Variants in GALNT13 observed in about 807,000 individuals in gnomAD.
GALNT13 encodes UDP-GalNAc:polypeptide N-acetylgalactosaminyltransferase 13.
A neutral mutation model predicts 64.2 loss-of-function variants in GALNT13; 28 were observed. That is an observed-to-expected ratio of 0.44 (90% CI 0.32 to 0.60). GALNT13 has a LOEUF of 0.60. Among genes scored for constraint, GALNT13 ranks in the 20% least tolerant of loss-of-function variants. GALNT13 has a pLI of 0.05. For synonymous variants in GALNT13, 214 were observed against 224.6 expected (o/e 0.95, Z 0.42); for missense variants, 577 against 669.8 (o/e 0.86, Z 1.53).
intron 8 of GALNT13, among the ~76,000 whole-genome samples, chr2:154,284,858 G>A (rs1559067545): frequency 2.0e-5 from 3 of 152,040 alleles, no homozygotes; most frequent in Admixed American, 1.3e-4. Context: ...TGGAGAGTGA[G>A]GATTCGGAGA....
chr2:153,685,951 A>G, the GALNT13 span, among the ~76,000 whole-genome samples: 1 of 151,906 alleles, frequency 6.6e-6, no homozygotes. Flanking sequence ...TCAGACAGTT[A>G]GAAGTGTGCG....
At chr2:154,021,071 C>A (rs190666297) in intron 3 of GALNT13, among the ~76,000 whole-genome samples, 1 of 152,040 alleles carries the variant, frequency 6.6e-6, no homozygotes. Flanking sequence ...TCTCTGTTTT[C>A]GTACCAGTAC....
At chr2:153,886,596 A>T (rs903643448) in intron 1 of GALNT13, among the ~76,000 whole-genome samples, 10 of 152,040 alleles carry the variant, frequency 6.6e-5, no homozygotes, top group Admixed American at 2.0e-4. Context: ...ATGAGAACAC[A>T]TGGACAAAGG....
chr2:154,342,825 CGT>C (rs59607214), intron 9 of GALNT13, among the ~76,000 whole-genome samples: 15,016 of 146,456 alleles, frequency 0.1, 1,004 homozygotes, highest in African/African-American at 0.2. Context: ...TAAGAGTGTG[CGT>C]GTGTGTGTGT....
chr2:153,366,530 T>C, the GALNT13 span, among the ~76,000 whole-genome samples: 5 of 152,102 alleles, frequency 3.3e-5, no homozygotes, highest in South Asian at 4.1e-4. Flanking sequence ...TTCAAAGCTG[T>C]GGGATCATAT....
chr2:153,632,442 A>G, the GALNT13 span, among the ~76,000 whole-genome samples: 1 of 152,096 alleles, frequency 6.6e-6, no homozygotes, highest in African/African-American at 2.4e-5. Flanking sequence ...GCAAAATGTC[A>G]TGTATTCATC....
intron 8 of GALNT13, among the ~76,000 whole-genome samples, chr2:154,275,748 A>G (rs1691612074): frequency 6.6e-6 from 1 of 152,136 alleles, no homozygotes; most frequent in Non-Finnish European, 1.5e-5. Flanking sequence ...TGTCCTCCAG[A>G]CCCCAGAATG....
chr2:153,125,620 T>G, the GALNT13 span, among the ~76,000 whole-genome samples: 2 of 152,306 alleles, frequency 1.3e-5, no homozygotes, highest in East Asian at 3.9e-4. Flanking sequence ...TTGAATCAAT[T>G]TAAAGGAGCT....
the GALNT13 span, among the ~76,000 whole-genome samples, chr2:153,258,763 A>G: frequency 6.6e-6 from 1 of 152,100 alleles, no homozygotes; most frequent in Non-Finnish European, 1.5e-5. Context: ...GTGTTTGTAT[A>G]GTTTCCATAT....
intron 10 of GALNT13, among the ~76,000 whole-genome samples, chr2:154,406,048 T>C (rs1261620492): frequency 1.3e-5 from 2 of 152,156 alleles, no homozygotes; most frequent in Non-Finnish European, 2.9e-5. Flanking sequence ...TTTTCAAGTA[T>C]AGCAGCCACA....
At chr2:153,178,539 A>T in the GALNT13 span, among the ~76,000 whole-genome samples, 1 of 152,072 alleles carries the variant, frequency 6.6e-6, no homozygotes, top group Non-Finnish European at 1.5e-5. Context: ...TCCATTGCCC[A>T]TTCTAAAATC....
At chr2:154,201,246 G>A (rs550038958) in intron 4 of GALNT13, among the ~76,000 whole-genome samples, 7 of 152,078 alleles carry the variant, frequency 4.6e-5, no homozygotes, top group Non-Finnish European at 1.0e-4. Context: ...ACAATAGAAA[G>A]TCTTCCATGA....
the GALNT13 span, among the ~76,000 whole-genome samples, chr2:153,364,023 CA>C: frequency 6.6e-6 from 1 of 152,064 alleles, no homozygotes; most frequent in Non-Finnish European, 1.5e-5. Flanking sequence ...AGCAGCACAT[CA>C]AAAAATTTAC....
chr2:154,287,097 C>A, intron 8 of GALNT13: 1 of 1,003,194 alleles, frequency 1.0e-6, no homozygotes, highest in Non-Finnish European at 1.6e-6. Flanking sequence ...GGCAAGCAGC[C>A]ACCTTTGGAT....
chr2:153,439,308 C>T, the GALNT13 span, among the ~76,000 whole-genome samples: 1 of 152,176 alleles, frequency 6.6e-6, no homozygotes, highest in Non-Finnish European at 1.5e-5. Context: ...CTCAGATCTC[C>T]AGCTGCGTGC....
intron 9 of GALNT13, among the ~76,000 whole-genome samples, chr2:154,354,810 G>T (rs900007830): frequency 4.0e-5 from 6 of 151,896 alleles, no homozygotes; most frequent in Non-Finnish European, 7.4e-5. Flanking sequence ...CATACTTCGT[G>T]ATTTTAAATT....
chr2:153,402,884 T>G, the GALNT13 span, among the ~76,000 whole-genome samples: 1 of 152,252 alleles, frequency 6.6e-6, no homozygotes, highest in Non-Finnish European at 1.5e-5. Flanking sequence ...TGTCCTCCCG[T>G]CGCTCACAGT....
At chr2:154,373,070 A>G (rs1697790275) in intron 9 of GALNT13, among the ~76,000 whole-genome samples, 1 of 152,136 alleles carries the variant, frequency 6.6e-6, no homozygotes, top group South Asian at 2.1e-4. Flanking sequence ...TATTTAAAGA[A>G]GTATTTTAAT....
the GALNT13 span, among the ~76,000 whole-genome samples, chr2:153,481,564 CTGTA>C: frequency 1.3e-5 from 2 of 152,160 alleles, no homozygotes; most frequent in Admixed American, 1.3e-4. Flanking sequence ...AGACTAACTG[CTGTA>C]TTTATTTAAC....
Sources: gnomAD v4.1 joint callset for allele counts (sites outside exome capture counted in the v4.1 genomes callset) on GRCh38, gnomAD v4.1.1 for gene constraint, MANE v1.5 for transcripts, NCBI Gene and HGNC (gene_info 2026-07-23, HGNC 2026-07-21) for gene names.